PMM2: variants seen among roughly 807,000 people sequenced by gnomAD.
PMM2 encodes the protein mannose-6-phosphate isomerase.
In PMM2, 35 loss-of-function variants were observed where a neutral mutation model predicts 33.2. The observed-to-expected ratio is 1.06, with a 90% CI of 0.81 to 1.40. The LOEUF is 1.40. Ranked by LOEUF, PMM2 falls within the 40% of genes most tolerant of loss-of-function variation. PMM2 has a pLI of 0.00. For synonymous variants in PMM2, 153 were observed against 114.7 expected, an observed-to-expected ratio of 1.33 and a Z score of -2.13; for missense variants, 386 against 306.0, an observed-to-expected ratio of 1.26 and a Z score of -1.95.
chr16:8,813,850 T>G (rs966686176), intron 7 of PMM2, among the ~76,000 whole-genome samples: 2 of 134,654 alleles, frequency 1.5e-5, no homozygotes, highest in African/African-American at 2.7e-5. Flanking sequence ...CAGCTCCTTT[T>G]CTTTCTCTTT....
chr16:8,801,323 C>T (rs1028752346), intron 1 of PMM2, among the ~76,000 whole-genome samples: 3 of 152,202 alleles, frequency 2.0e-5, no homozygotes, highest in African/African-American at 4.8e-5. Context: ...GATGCCCCCC[C>T]AGTTACAACT....
chr16:8,834,951 TAAC>T (rs1304912557), intron 7 of PMM2, among the ~76,000 whole-genome samples: 2 of 152,106 alleles, frequency 1.3e-5, no homozygotes, highest in East Asian at 1.9e-4. Flanking sequence ...TTGTGGGACT[TAAC>T]AAAGAGTGAG....
At chr16:8,819,938 C>T (rs1464256333) in intron 7 of PMM2, among the ~76,000 whole-genome samples, 3 of 152,192 alleles carry the variant, frequency 2.0e-5, no homozygotes, top group African/African-American at 4.8e-5. Flanking sequence ...TCTCCTACAT[C>T]GCTTCTAACA....
intron 3 of PMM2, among the ~76,000 whole-genome samples, chr16:8,805,586 ATT>A (rs56945546): frequency 4.2e-5 from 6 of 143,294 alleles, no homozygotes; most frequent in Middle Eastern, 3.6e-3. Flanking sequence ...CACTATAAGC[ATT>A]TTTTTTTTTC....
At chr16:8,830,029 C>T (rs2060800895) in intron 7 of PMM2, among the ~76,000 whole-genome samples, 1 of 152,144 alleles carries the variant, frequency 6.6e-6, no homozygotes, top group Admixed American at 6.5e-5. Flanking sequence ...AATGATGGGG[C>T]TACAGACAGA....
At chr16:8,823,323 CATT>C (rs915463891) in intron 7 of PMM2, among the ~76,000 whole-genome samples, 1 of 152,066 alleles carries the variant, frequency 6.6e-6, no homozygotes, top group Non-Finnish European at 1.5e-5. Flanking sequence ...AAATTGAAAG[CATT>C]AGTTTGGGAA....
intron 7 of PMM2, among the ~76,000 whole-genome samples, chr16:8,820,379 G>A (rs1209677863): frequency 7.7e-6 from 1 of 130,514 alleles, no homozygotes; most frequent in Non-Finnish European, 1.5e-5. Flanking sequence ...CCTGAGACAA[G>A]GTCTCACTCT....
chr16:8,830,588 A>C (rs1026736072), intron 7 of PMM2, among the ~76,000 whole-genome samples: 4 of 151,030 alleles, frequency 2.6e-5, no homozygotes, highest in African/African-American at 9.7e-5. Context: ...GAATCATATT[A>C]CCTGTCTGGG....
At chr16:8,820,348 C>CTTTTTTTTTTTTTTTTTTTT (rs1451905873) in intron 7 of PMM2, among the ~76,000 whole-genome samples, 1 of 131,362 alleles carries the variant, frequency 7.6e-6, no homozygotes, top group Non-Finnish European at 1.5e-5. Flanking sequence ...GGACACAGTT[C>CTTTTTTTTTTTTTTTTTTTT]TTCTTTTTTT....
chr16:8,845,908 G>C (rs1474343686), intron 7 of PMM2, among the ~76,000 whole-genome samples: 1 of 151,782 alleles, frequency 6.6e-6, no homozygotes, highest in African/African-American at 2.4e-5. Flanking sequence ...CTCGAGCCCA[G>C]CCTGGGCAAC....
chr16:8,822,042 A>G (rs528197463), intron 7 of PMM2, among the ~76,000 whole-genome samples: 1 of 152,232 alleles, frequency 6.6e-6, no homozygotes, highest in Non-Finnish European at 1.5e-5. Context: ...ATTCACGCAG[A>G]GCTGGCTGTA....
At chr16:8,840,878 T>G (rs1347375162) in intron 7 of PMM2, among the ~76,000 whole-genome samples, 1 of 151,760 alleles carries the variant, frequency 6.6e-6, no homozygotes, top group East Asian at 1.9e-4. Context: ...GGATCTGGAG[T>G]AGGCAAGAGA....
At chr16:8,801,684 T>G in intron 1 of PMM2, 115 bp from the exon 2 acceptor site, 2 of 680,148 alleles carry the variant, frequency 2.9e-6, no homozygotes, top group Non-Finnish European at 4.9e-6. Flanking sequence ...AAAAAATTTT[T>G]TCTTTAATTT....
At chr16:8,832,928 A>G (rs2060819591) in intron 7 of PMM2, 2 of 980,522 alleles carry the variant, frequency 2.0e-6, no homozygotes, top group Non-Finnish European at 2.4e-6. Context: ...CCTTTGCTCA[A>G]CAAGGCGCCC....
intron 7 of PMM2, among the ~76,000 whole-genome samples, chr16:8,813,442 A>G (rs2060689204): frequency 2.0e-5 from 3 of 152,258 alleles, no homozygotes; most frequent in Middle Eastern, 6.8e-3. Flanking sequence ...TGGCTGTTTC[A>G]ACCTCATTTT....
At chr16:8,804,902 T>G (rs2060638349) in intron 3 of PMM2, 59 bp downstream of exon 3, 1 of 1,049,914 alleles carries the variant, frequency 9.5e-7, no homozygotes, top group African/African-American at 1.6e-5. Flanking sequence ...TAAAAGGGCA[T>G]TTCACAATGA....
intron 1 of PMM2, 68 bp downstream of exon 1, chr16:8,798,016 G>A: frequency 6.7e-7 from 1 of 1,482,078 alleles, no homozygotes; most frequent in South Asian, 1.2e-5. Flanking sequence ...TGGGGCTATC[G>A]ACCACCCAGG....
At chr16:8,840,516 G>A (rs57163702) in intron 7 of PMM2, among the ~76,000 whole-genome samples, 4,619 of 152,090 alleles carry the variant, frequency 0.03, 154 homozygotes, top group African/African-American at 0.08. Context: ...TGGTGGGGGT[G>A]ACTTCGTAAA....
At chr16:8,813,181 T>C (rs1596489986) in intron 7 of PMM2, 75 bp downstream of exon 7, 2 of 953,654 alleles carry the variant, frequency 2.1e-6, no homozygotes, top group East Asian at 4.8e-5. Flanking sequence ...CTGGGCTGTT[T>C]TTCCTGTACC....
Sources: allele counts gnomAD v4.1 joint callset (sites outside exome capture counted in the v4.1 genomes callset), GRCh38; gene constraint gnomAD v4.1.1; transcripts MANE v1.5; gene names NCBI Gene and HGNC (gene_info 2026-07-23, HGNC 2026-07-21).